IGF2BP2: variants seen among roughly 807,000 people sequenced by gnomAD.
IGF2BP2 encodes insulin-like growth factor 2 mRNA-binding protein 2.
In IGF2BP2, 17 loss-of-function variants were observed where a neutral mutation model predicts 75.8. That is an observed-to-expected ratio of 0.22 (90% confidence interval 0.15 to 0.34). The LOEUF is 0.34. Ranked by LOEUF, IGF2BP2 falls within the 10% of genes least tolerant of loss-of-function variation. The probability of loss-of-function intolerance (pLI) is 1.00; values close to 1 mark genes in which losing one functional copy is unlikely to be tolerated. For synonymous variants in IGF2BP2, 288 were observed against 295.6 expected (o/e 0.97, Z 0.26); for missense variants, 516 against 772.4 (o/e 0.67, Z 3.93).
intron 2 of IGF2BP2, among the ~76,000 whole-genome samples, chr3:185,771,413 C>T (rs1733857421): frequency 6.8e-6 from 1 of 147,528 alleles, no homozygotes; most frequent in South Asian, 2.1e-4. Context: ...GCACTCCAGC[C>T]TGGGCGAAAG....
intron 2 of IGF2BP2, among the ~76,000 whole-genome samples, chr3:185,718,684 CAA>C (rs10699427): frequency 8.1e-5 from 4 of 49,522 alleles, no homozygotes; most frequent in African/African-American, 8.7e-5. Context: ...GACTCTGTCT[CAA>C]AAAAAAAAAA....
chr3:185,807,411 A>G (rs13060777), intron 2 of IGF2BP2, among the ~76,000 whole-genome samples: 39,130 of 152,116 alleles, frequency 0.26, 5,076 homozygotes, highest in African/African-American at 0.28. Flanking sequence ...GTGAAAATTC[A>G]GTAAGGATCA....
intron 3 of IGF2BP2, among the ~76,000 whole-genome samples, chr3:185,697,170 G>A (rs1036943419): frequency 2.6e-5 from 4 of 152,088 alleles, no homozygotes; most frequent in Admixed American, 6.6e-5. Flanking sequence ...GCACCATCTC[G>A]GCTCACAGCA....
chr3:185,779,763 C>T (rs181970588), intron 2 of IGF2BP2, among the ~76,000 whole-genome samples: 1 of 114,186 alleles, frequency 8.8e-6, no homozygotes, highest in Non-Finnish European at 1.6e-5. Context: ...AAAGCTTCTC[C>T]TATTGCCATT....
At chr3:185,759,764 T>C (rs1017280461) in intron 2 of IGF2BP2, among the ~76,000 whole-genome samples, 5 of 152,240 alleles carry the variant, frequency 3.3e-5, no homozygotes, top group African/African-American at 1.2e-4. Flanking sequence ...GTGCTGCAAA[T>C]AGCATAATTT....
intron 5 of IGF2BP2, among the ~76,000 whole-genome samples, chr3:185,691,311 T>C (rs1721924799): frequency 6.6e-6 from 1 of 151,452 alleles, no homozygotes; most frequent in Non-Finnish European, 1.5e-5. Context: ...TTGGTCAGGC[T>C]GGTCTCGATC....
intron 2 of IGF2BP2, among the ~76,000 whole-genome samples, chr3:185,788,972 C>A (rs944478748): frequency 6.6e-6 from 1 of 152,102 alleles, no homozygotes; most frequent in Non-Finnish European, 1.5e-5. Flanking sequence ...CTTTGCTTCC[C>A]AAAGTGCTGG....
At chr3:185,657,553 G>A in intron 11 of IGF2BP2, 151 bp from the exon 12 acceptor site, 2 of 591,096 alleles carry the variant, frequency 3.4e-6, no homozygotes, top group Non-Finnish European at 6.0e-6. Flanking sequence ...GGATCCTTCT[G>A]CGGCCTGCGG....
intron 7 of IGF2BP2, among the ~76,000 whole-genome samples, chr3:185,676,466 C>T (rs1719368504): frequency 6.6e-6 from 1 of 152,006 alleles, no homozygotes; most frequent in African/African-American, 2.4e-5. Context: ...CGCCTAAGCC[C>T]GAGAGTTCAA....
At chr3:185,721,874 A>C (rs1726601011) in intron 2 of IGF2BP2, among the ~76,000 whole-genome samples, 1 of 152,022 alleles carries the variant, frequency 6.6e-6, no homozygotes, top group African/African-American at 2.4e-5. Context: ...TCTTTCAGCA[A>C]GTCAGGGCAG....
At chr3:185,658,433 G>A in intron 10 of IGF2BP2, 24 bp from the exon 11 acceptor site, 1 of 1,605,820 alleles carries the variant, frequency 6.2e-7, no homozygotes, top group Non-Finnish European at 8.5e-7. Context: ...GAAAGAGTCA[G>A]TGGGCGGGTG....
intron 2 of IGF2BP2, among the ~76,000 whole-genome samples, chr3:185,821,293 T>C (rs988816404): frequency 6.6e-6 from 1 of 152,220 alleles, no homozygotes; most frequent in Non-Finnish European, 1.5e-5. Flanking sequence ...ACAGCGCATT[T>C]TAATCTACCT....
intron 2 of IGF2BP2, among the ~76,000 whole-genome samples, chr3:185,766,093 G>A (rs913890295): frequency 6.6e-6 from 1 of 152,136 alleles, no homozygotes; most frequent in Admixed American, 6.5e-5. Context: ...TGGCTGGGTA[G>A]CAAACTCATC....
chr3:185,804,049 G>A (rs567943597), intron 2 of IGF2BP2, among the ~76,000 whole-genome samples: 1 of 152,272 alleles, frequency 6.6e-6, no homozygotes, highest in Non-Finnish European at 1.5e-5. Flanking sequence ...ACGAGGTCAG[G>A]AGCTCAAGAC....
chr3:185,691,043 C>T (rs1241512278), intron 5 of IGF2BP2, among the ~76,000 whole-genome samples: 14 of 152,122 alleles, frequency 9.2e-5, no homozygotes, highest in Admixed American at 9.2e-4. Flanking sequence ...GGTGTATCTC[C>T]ACTTACAAAT....
At chr3:185,684,289 C>A (rs1478136255) in intron 7 of IGF2BP2, among the ~76,000 whole-genome samples, 1 of 152,226 alleles carries the variant, frequency 6.6e-6, no homozygotes, top group African/African-American at 2.4e-5. Context: ...GTCACCTACA[C>A]AGGGAGGCAT....
intron 2 of IGF2BP2, among the ~76,000 whole-genome samples, chr3:185,746,024 T>C (rs1301087760): frequency 6.6e-6 from 1 of 152,176 alleles, no homozygotes; most frequent in African/African-American, 2.4e-5. Flanking sequence ...TTTCTTCAGA[T>C]AAAACCACAA....
rs988855519 is a variant in IGF2BP2, at chr3:185,777,287, T to C, written c.239+45866A>G. Among the ~76,000 whole-genome samples, 8 of 152,130 alleles carry C rather than the reference T, an allele frequency of 5.3e-5. No homozygotes were observed. In the East Asian group the frequency reaches 7.7e-4, roughly 15 times the overall value. ...CACAAAACCACCAGCCTGGGCAACA[T>C]GGCAAAACCTTGTCTCTAAAAAAAT... On this transcript the variant is annotated intron_variant, in intron 2 of 15. Transcript: ENST00000382199.
chr3:185,818,593 C>G (rs1278209546), intron 2 of IGF2BP2, among the ~76,000 whole-genome samples: 3 of 152,156 alleles, frequency 2.0e-5, no homozygotes, highest in East Asian at 1.9e-4. Context: ...CACACACTTG[C>G]ACATACACCA....
Sources: allele counts gnomAD v4.1 joint callset (sites outside exome capture counted in the v4.1 genomes callset), GRCh38; gene constraint gnomAD v4.1.1; transcripts MANE v1.5; gene names NCBI Gene and HGNC (gene_info 2026-07-23, HGNC 2026-07-21).